Variants in CDK14 observed in about 807,000 individuals in gnomAD.
CDK14 encodes cyclin-dependent kinase 14.
In CDK14, 34 loss-of-function variants were observed where a neutral mutation model predicts 60.7. The ratio of observed to expected loss-of-function variants is 0.56; its 90% CI spans 0.43 to 0.75. The LOEUF is 0.75. Among genes scored for constraint, CDK14 ranks in the 30% least tolerant of loss-of-function variants. The pLI is 0.00. For synonymous variants in CDK14, 197 were observed against 203.7 expected, an observed-to-expected ratio of 0.97 and a Z score of 0.28; for missense variants, 482 against 564.1, an observed-to-expected ratio of 0.85 and a Z score of 1.47.
intron 10 of CDK14, among the ~76,000 whole-genome samples, chr7:90,996,055 G>C (rs910665704): frequency 4.6e-5 from 7 of 152,194 alleles, no homozygotes; most frequent in African/African-American, 1.7e-4. Context: ...GTTAGACTGA[G>C]TCCTTTGTTT....
At chr7:90,814,905 G>A (rs995502677) in intron 5 of CDK14, among the ~76,000 whole-genome samples, 1 of 152,240 alleles carries the variant, frequency 6.6e-6, no homozygotes, top group Non-Finnish European at 1.5e-5. Context: ...CTCAGAAGAA[G>A]GACTCTCTTG....
intron 5 of CDK14, among the ~76,000 whole-genome samples, chr7:90,844,820 C>G (rs1331760333): frequency 6.6e-6 from 1 of 152,094 alleles, no homozygotes; most frequent in Non-Finnish European, 1.5e-5. Context: ...AATATACAAA[C>G]AAGAATGTAT....
At chr7:91,040,192 G>A (rs892013535) in intron 10 of CDK14, among the ~76,000 whole-genome samples, 1 of 152,110 alleles carries the variant, frequency 6.6e-6, no homozygotes, top group African/African-American at 2.4e-5. Flanking sequence ...TTGTACTGTC[G>A]GGGGCAGTGC....
intron 5 of CDK14, among the ~76,000 whole-genome samples, chr7:90,855,035 T>A (rs1324989800): frequency 6.6e-6 from 1 of 152,180 alleles, no homozygotes; most frequent in East Asian, 1.9e-4. Context: ...AGGACCAAGA[T>A]TAACTAGAGC....
chr7:91,184,896 G>T (rs1032513895), intron 14 of CDK14, among the ~76,000 whole-genome samples: 1 of 151,766 alleles, frequency 6.6e-6, no homozygotes, highest in Non-Finnish European at 1.5e-5. Flanking sequence ...GGTTGGGGTC[G>T]GTCATGGGTG....
At chr7:90,852,608 A>T (rs1025049893) in intron 5 of CDK14, among the ~76,000 whole-genome samples, 1 of 152,218 alleles carries the variant, frequency 6.6e-6, no homozygotes, top group Non-Finnish European at 1.5e-5. Flanking sequence ...TAAATATCTC[A>T]TAAACACCCC....
At chr7:90,613,659 C>A (rs1216241611) in intron 2 of CDK14, among the ~76,000 whole-genome samples, 2 of 151,902 alleles carry the variant, frequency 1.3e-5, no homozygotes, top group African/African-American at 4.8e-5. Flanking sequence ...TGCACACCAG[C>A]CTGGGTGACA....
chr7:90,711,176 G>T (rs193009550), intron 2 of CDK14, among the ~76,000 whole-genome samples: 20 of 151,986 alleles, frequency 1.3e-4, no homozygotes, highest in Middle Eastern at 3.4e-3. Flanking sequence ...AAGAAAGATC[G>T]CCTGATTAGT....
chr7:90,994,546 AT>A (rs1795626551), intron 10 of CDK14, among the ~76,000 whole-genome samples: 1 of 152,148 alleles, frequency 6.6e-6, no homozygotes, highest in South Asian at 2.1e-4. Context: ...GACCATGTAA[AT>A]TTTCATTAGA....
At position 91,208,649 on chromosome 7, in the gene CDK14, C is replaced by G. The variant is rs1446588903; in HGVS notation, c.*1513C>G. 1 of 152,142 alleles carries G rather than the reference C, an allele frequency of 6.6e-6. No individual in the cohort carries two copies. The highest frequency in any genetic ancestry group is 1.5e-5 in the Non-Finnish European group (1 of 68,016). 9.4% of individuals were successfully genotyped at this position (152,142 alleles called of 1,614,324 possible). ...AGGATCAAGACTAGGAATTAGGAGC[C>G]AGGTTGACAAGGACTTTTTCTGAGA... is the stretch of plus-strand genomic sequence containing the variant. On this transcript the variant is annotated 3_prime_UTR_variant, in exon 15 of 15. Coordinates refer to ENST00000380050, the MANE Select transcript of CDK14 (RefSeq NM_001287135.2).
intron 14 of CDK14, among the ~76,000 whole-genome samples, chr7:91,187,214 T>C (rs1275720414): frequency 6.6e-6 from 1 of 152,206 alleles, no homozygotes. Context: ...TGTGCCACAA[T>C]CCAAACATTG....
chr7:90,617,872 G>C (rs1435729130), intron 2 of CDK14, among the ~76,000 whole-genome samples: 1 of 152,138 alleles, frequency 6.6e-6, no homozygotes, highest in Non-Finnish European at 1.5e-5. Context: ...TTAACTATTG[G>C]TTGAGGTACC....
intron 2 of CDK14, among the ~76,000 whole-genome samples, chr7:90,636,737 G>A (rs548571272): frequency 1.4e-3 from 207 of 152,282 alleles, no homozygotes; most frequent in African/African-American, 4.7e-3. Flanking sequence ...ACCTGTGGTG[G>A]AATTCAGCTA....
At chr7:90,709,587 T>C (rs894598623) in intron 2 of CDK14, 2 of 1,613,216 alleles carry the variant, frequency 1.2e-6, no homozygotes. Flanking sequence ...GCCCGGTTAC[T>C]CTGCCTTCGT....
At chr7:90,867,777 CTTACAA>C (rs1318540873) in intron 6 of CDK14, among the ~76,000 whole-genome samples, 1 of 151,866 alleles carries the variant, frequency 6.6e-6, no homozygotes, top group Non-Finnish European at 1.5e-5. Flanking sequence ...ATATTGTGCA[CTTACAA>C]TTTTGGTAGT....
At chr7:90,664,934 TATA>T (rs1800944588) in intron 2 of CDK14, among the ~76,000 whole-genome samples, 4 of 152,120 alleles carry the variant, frequency 2.6e-5, no homozygotes, top group East Asian at 3.9e-4. Flanking sequence ...AAACTTAAAG[TATA>T]ATAATAATAA....
intron 4 of CDK14, among the ~76,000 whole-genome samples, chr7:90,750,101 A>G (rs889959446): frequency 3.4e-4 from 52 of 151,142 alleles, no homozygotes; most frequent in African/African-American, 1.2e-3. Flanking sequence ...CCTACCCAGC[A>G]TTCTCTGCAG....
intron 4 of CDK14, among the ~76,000 whole-genome samples, chr7:90,788,841 T>C (rs1453160183): frequency 6.6e-6 from 1 of 152,202 alleles, no homozygotes; most frequent in Non-Finnish European, 1.5e-5. Flanking sequence ...TAGAGATTTT[T>C]GGTAGCCATT....
intron 2 of CDK14, among the ~76,000 whole-genome samples, chr7:90,679,349 A>G (rs1350961612): frequency 6.6e-6 from 1 of 152,220 alleles, no homozygotes; most frequent in Non-Finnish European, 1.5e-5. Flanking sequence ...TCTGAGTTGC[A>G]TATACAAACA....
Sources: gnomAD v4.1 joint callset for allele counts (sites outside exome capture counted in the v4.1 genomes callset) on GRCh38, gnomAD v4.1.1 for gene constraint, MANE v1.5 for transcripts, NCBI Gene and HGNC (gene_info 2026-07-23, HGNC 2026-07-21) for gene names.